Variants in ZNF615 observed in about 807,000 individuals in gnomAD.
ZNF615 encodes the protein zinc finger protein 615.
ZNF615 carries 15 observed loss-of-function variants against 15.3 expected under a neutral mutation model. That is an observed-to-expected ratio of 0.98 (90% confidence interval 0.66 to 1.51). The LOEUF (loss-of-function observed/expected upper bound fraction) is 1.51. Ranked by LOEUF, ZNF615 falls within the 40% of genes most tolerant of loss-of-function variation. ZNF615 has a pLI of 0.00. For synonymous variants in ZNF615, 268 were observed against 294.6 expected (o/e 0.91, Z 0.92); for missense variants, 848 against 895.9 (o/e 0.95, Z 0.68).
At position 51,993,662 on chromosome 19, in the gene ZNF615, T is replaced by A; in HGVS notation, c.1447A>T (p.Ile483Phe). 1.2e-6 allele frequency: 2 copies of A among 1,614,104 alleles called. No individual in the cohort carries two copies. The highest frequency in any genetic ancestry group is 1.7e-6 in the Non-Finnish European group (2 of 1,179,996). ...GCAGTATGAGTTCGCTGATGTACAA[T>A]GAGGTCACTCTTCATGGTGAAACCT... ...RKGFTMKSDL[I>F]VHQRTHTAEK... Residue 483 changes from isoleucine to phenylalanine, a missense_variant, in exon 7 of 7, where the codon ATT (isoleucine) becomes TTT (phenylalanine). Ile to Phe is a conservative substitution (Grantham distance 21). Coordinates refer to ENST00000598071, the MANE Select transcript of ZNF615 (RefSeq NM_001199324.2).
intron 6 of ZNF615, among the ~76,000 whole-genome samples, chr19:51,999,631 T>C (rs968669905): frequency 9.2e-5 from 14 of 152,300 alleles, no homozygotes; most frequent in African/African-American, 3.1e-4. Context: ...ATCTCAATAA[T>C]AGTTTACAAA....
Position 51,994,147 on chromosome 19 carries a change from T to C in ZNF615, c.962A>G (p.His321Arg). The change falls in exon 7 of 7, where the codon CAT becomes CGT. Residue 321 changes from histidine (H) to arginine (R), a missense_variant. Physicochemically the swap from His to Arg is conservative, Grantham distance 29 (BLOSUM62 0). Coordinates refer to ENST00000598071, the MANE Select transcript of ZNF615 (RefSeq NM_001199324.2). The stretch of plus-strand genomic sequence containing the variant: ...GCATCCATGGGGTTTCTCTCCTGTA[T>C]GAGTTCGTTGATGATAAATGAGCCG... Reference protein sequence around the residue: ...KCRLIYHQRTHTGEKPHGCSV... With the variant: ...KCRLIYHQRTRTGEKPHGCSV... The C allele has an allele frequency of 1.9e-6, 3 of 1,614,056 alleles. No homozygotes were observed. Among genetic ancestry groups the C allele is most frequent in the Non-Finnish European group, 2.5e-6 (3 of 1,180,012 alleles).
In ZNF615 at chr19:51,991,477, A is replaced by T. The variant is rs1250926186; in HGVS notation, c.*1403T>A. On this transcript the variant is annotated 3_prime_UTR_variant, in exon 7 of 7. Transcript: ENST00000598071. ...TGGCCAATAAAAACAGAACAATGAT[A>T]TGCAGAACAACTTGGATGGATTTCA... 6.6e-6 allele frequency: 1 copy of T among 152,272 alleles called. No homozygotes were observed. Among genetic ancestry groups the T allele is most frequent in the East Asian group, 1.9e-4 (1 of 5,200 alleles). 9.4% of individuals were successfully genotyped at this position (152,272 alleles called of 1,614,324 possible).
At chr19:52,002,507 A>T (rs1322326579) in intron 3 of ZNF615, 1 of 638,092 alleles carries the variant, frequency 1.6e-6, no homozygotes. Flanking sequence ...ATACACAGCT[A>T]TCCAATCCTC....
chr19:52,003,807 C>T lies in ZNF615; in HGVS notation c.-96G>A. ...ATTTCGGTTCAAAAACTTCAATCTC[C>T]AATCAAGGATGTCCCCAGAAATGAT... On this transcript the variant is annotated 5_prime_UTR_variant, in exon 3 of 7. Coordinates refer to ENST00000598071, the MANE Select transcript of ZNF615 (RefSeq NM_001199324.2). 1.3e-6 allele frequency: 2 copies of T among 1,580,732 alleles called. No homozygotes were observed. Among genetic ancestry groups the T allele is most frequent in the South Asian group, 2.4e-5 (2 of 84,670 alleles).
In ZNF615 at chr19:51,994,049, G is replaced by T; in HGVS notation, c.1060C>A (p.Pro354Thr). Residue 354 changes from proline to threonine, a missense_variant, in exon 7 of 7, where the codon CCT (proline) becomes ACT (threonine). Pro to Thr is a conservative substitution (Grantham distance 38). Coordinates refer to ENST00000598071, the MANE Select transcript of ZNF615 (RefSeq NM_001199324.2). ...TTTCCACATTCACTACATATATAAG[G>T]TTTTTCTCCTGTATGAGTTTTCTGA... is the stretch of plus-strand genomic sequence containing the variant. ...THQKTHTGEK[P>T]YICSECGKGF... The T allele has an allele frequency of 6.2e-7, 1 of 1,613,952 alleles. No homozygotes were observed. Among genetic ancestry groups the T allele is most frequent in the Non-Finnish European group, 8.5e-7 (1 of 1,180,020 alleles).
rs750217389 is a variant in ZNF615 at position 51,993,678 on chromosome 19, G to A, written c.1431C>T (p.Thr477=). 16 of 1,613,264 alleles carry A rather than the reference G, an allele frequency of 9.9e-6. No homozygotes were observed. The highest frequency in any genetic ancestry group is 1.4e-5 in the Non-Finnish European group (16 of 1,179,864). ...YVCTECRKGF[T]MKSDLIVHQR... ...GATGTACAATGAGGTCACTCTTCAT[G>A]GTGAAACCTTTTCGACATTCGGTGC... The change falls in exon 7 of 7, where the codon ACC becomes ACT. Residue 477 remains threonine (T), a synonymous_variant. Transcript: ENST00000598071.
chr19:52,000,468 T>C (rs1318131171), intron 5 of ZNF615, 90 bp from the exon 6 acceptor site: 8 of 515,386 alleles, frequency 1.6e-5, no homozygotes, highest in Non-Finnish European at 2.7e-5. Flanking sequence ...GGGAAGATGA[T>C]TCTTGTTCCT....
At chr19:51,995,860 C>T (rs1230858899) in intron 6 of ZNF615, among the ~76,000 whole-genome samples, 1 of 151,972 alleles carries the variant, frequency 6.6e-6, no homozygotes, top group African/African-American at 2.4e-5. Flanking sequence ...AGCCACTGCA[C>T]TCAGCCAATT....
At position 51,994,053 on chromosome 19, in the gene ZNF615, T is replaced by C. The variant is rs1355575718; in HGVS notation, c.1056A>G (p.Glu352=). The part of the protein sequence containing the change: ...LTTHQKTHTG[E]KPYICSECGK... ...CACATTCACTACATATATAAGGTTT[T>C]TCTCCTGTATGAGTTTTCTGATGTG... The change falls in exon 7 of 7, where the codon GAA becomes GAG. Residue 352 remains glutamate, a synonymous_variant. Transcript: ENST00000598071. 2 of 1,614,002 alleles carry C rather than the reference T, an allele frequency of 1.2e-6. No individual in the cohort carries two copies. Among genetic ancestry groups the C allele is most frequent in the African/African-American group, 2.7e-5 (2 of 74,914 alleles).
chr19:52,001,240 A>G (rs1228902045), intron 5 of ZNF615, among the ~76,000 whole-genome samples: 1 of 152,110 alleles, frequency 6.6e-6, no homozygotes, highest in Non-Finnish European at 1.5e-5. Flanking sequence ...AGTGGACAAG[A>G]AAAGGCAGAT....
Position 52,001,848 on chromosome 19 carries a change from G to A in ZNF615, c.203C>T (p.Thr68Ile), listed in dbSNP as rs747166929. Residue 68 changes from threonine to isoleucine, a missense_variant, in exon 5 of 7, where the codon ACA becomes ATA. By Grantham distance (89) the Thr-to-Ile change is moderately conservative (BLOSUM62 -1). Coordinates refer to ENST00000598071, the MANE Select transcript of ZNF615 (RefSeq NM_001199324.2). ...TCGAGAGTAGATTTCATCTTCTGTT[G>A]TGCAAGTTTCTTCTCCTCGTTCCAA... Reference protein sequence around the residue: ...SKLERGEETCTTEDEIYSRIC... With the variant: ...SKLERGEETCITEDEIYSRIC... 9 of 1,613,978 alleles carry A rather than the reference G, an allele frequency of 5.6e-6. No homozygotes were observed. The highest frequency in any genetic ancestry group is 6.8e-6 in the Non-Finnish European group (8 of 1,180,026).
intron 6 of ZNF615, among the ~76,000 whole-genome samples, chr19:51,996,832 A>G (rs1420771288): frequency 1.3e-5 from 2 of 152,332 alleles, no homozygotes; most frequent in East Asian, 3.9e-4. Context: ...CAAAACAAAC[A>G]TCTAGGAGTG....
intron 3 of ZNF615, 140 bp from the exon 4 acceptor site, chr19:52,002,421 A>T: frequency 8.1e-7 from 1 of 1,231,622 alleles, no homozygotes. Flanking sequence ...CAGAATAAGA[A>T]TTCCAGTAAA....
intron 6 of ZNF615, among the ~76,000 whole-genome samples, chr19:51,996,828 A>C (rs2086455668): frequency 6.6e-6 from 1 of 152,222 alleles, no homozygotes; most frequent in African/African-American, 2.4e-5. Flanking sequence ...TGTACAAAAC[A>C]AACATCTAGG....
rs1300889753 is a variant in ZNF615, at chr19:51,993,524, C to A, written c.1585G>T (p.Gly529Ter). 1 of 1,613,728 alleles carries A rather than the reference C, an allele frequency of 6.2e-7. No individual in the cohort carries two copies. The highest frequency in any genetic ancestry group is 1.1e-5 in the South Asian group (1 of 91,068). ...CGGATCTTTGCTGGAAAGCCTTTTCCACACTCACCACATACATAGGGTTTT... is the reference window on the plus strand; with the variant it reads ...CGGATCTTTGCTGGAAAGCCTTTTCAACACTCACCACATACATAGGGTTTT... Reference protein sequence around the residue: ...GEKPYVCGECGKGFPAKIRLM... With the variant: ...GEKPYVCGEC The change falls in exon 7 of 7, where the codon GGA (glycine) becomes TGA (stop). Residue 529 changes from glycine (G) to a stop codon, truncating the protein, a stop_gained. Transcript: ENST00000598071. LOFTEE classifies it low-confidence loss of function (END_TRUNC).
chr19:52,002,535 T>G, intron 3 of ZNF615: 1 of 562,842 alleles, frequency 1.8e-6, no homozygotes, highest in Middle Eastern at 2.7e-4. Flanking sequence ...TGAAAGAACA[T>G]CTATAACATG....
Position 51,994,417 on chromosome 19 carries a change from A to G in ZNF615, c.692T>C (p.Ile231Thr). Residue 231 changes from isoleucine to threonine, a missense_variant, in exon 7 of 7, where the codon ATT becomes ACT. Transcript: ENST00000598071. ...TCCAGTGTGAACTCTCTGATGATCA[A>G]TAAACTGAGACAACTTGAGGAAGGC... Reference protein sequence around the residue: ...GKAFLKLSQFIDHQRVHTGEK... With the variant: ...GKAFLKLSQFTDHQRVHTGEK... The G allele has an allele frequency of 6.2e-7, 1 of 1,614,154 alleles. No homozygotes were observed. Among genetic ancestry groups the G allele is most frequent in the South Asian group, 1.1e-5 (1 of 91,078 alleles).
chr19:51,993,266 C>A lies in ZNF615; in HGVS notation c.1843G>T (p.Gly615Cys). 6.2e-7 allele frequency: 1 copy of A among 1,614,066 alleles called. No homozygotes were observed. Among genetic ancestry groups the A allele is most frequent in the Non-Finnish European group, 8.5e-7 (1 of 1,179,998 alleles). The change falls in exon 7 of 7, where the codon GGC becomes TGC. Residue 615 changes from glycine to cysteine, a missense_variant. Coordinates refer to ENST00000598071, the MANE Select transcript of ZNF615 (RefSeq NM_001199324.2). ...KPYICNECGK[G>C]FTMKSTLSIH... is the part of the protein sequence containing the mutation. ...CTGAGAGTACTCTTCATGGTGAAGC[C>A]CTTTCCACATTCATTGCATATATAA...
Sources: gnomAD v4.1 joint callset for allele counts (sites outside exome capture counted in the v4.1 genomes callset) on GRCh38, gnomAD v4.1.1 for gene constraint, MANE v1.5 for transcripts, NCBI Gene and HGNC (gene_info 2026-07-23, HGNC 2026-07-21) for gene names.